Variants in PRPS1 observed in about 807,000 individuals in gnomAD.
PRPS1 encodes phosphoribosyl pyrophosphate synthetase 1.
In PRPS1, 1 loss-of-function variant was observed where a neutral mutation model predicts 16.9. The ratio of observed to expected loss-of-function variants is 0.06; its 90% confidence interval spans 0.02 to 0.28. The LOEUF (loss-of-function observed/expected upper bound fraction) is 0.28, where lower values mean the gene tolerates loss of function less well. Among genes scored for constraint, PRPS1 ranks in the 10% least tolerant of loss-of-function variants. PRPS1 has a pLI of 1.00. For missense variants in PRPS1, 47 were observed against 254.0 expected, an observed-to-expected ratio of 0.19 and a Z score of 5.54; for synonymous variants, 70 against 90.2, an observed-to-expected ratio of 0.78 and a Z score of 1.27.
At chrX:107,630,658 A>G (rs1925289051) in intron 1 of PRPS1, among the ~76,000 whole-genome samples, 1 of 106,641 alleles carries the variant, frequency 9.4e-6, no homozygotes, top group Admixed American at 1.0e-4. Context: ...CCCCCAGGTG[A>G]CTCTTGGTTG....
chrX:107,637,950 A>T (rs7887547), intron 1 of PRPS1, among the ~76,000 whole-genome samples: 39,532 of 98,147 alleles, frequency 0.4, 7,290 homozygotes, highest in African/African-American at 0.58. Flanking sequence ...ATATATATAT[A>T]TTTTTTTGAT....
At chrX:107,634,731 A>AT (rs1027234839) in intron 1 of PRPS1, among the ~76,000 whole-genome samples, 1 of 111,046 alleles carries the variant, frequency 9.0e-6, no homozygotes, top group African/African-American at 3.3e-5. Flanking sequence ...TTTTGTGGGT[A>AT]TTTTTTATAT....
At chrX:107,647,502 T>C (rs867273335) in intron 5 of PRPS1, 104 bp from the exon 6 acceptor site, 1 of 877,571 alleles carries the variant, frequency 1.1e-6, no homozygotes, top group Non-Finnish European at 1.6e-6. Flanking sequence ...TTTTTTCATA[T>C]GATATTTTGT....
chrX:107,640,212 C>T (rs752284346), intron 2 of PRPS1, among the ~76,000 whole-genome samples: 91 of 111,946 alleles, frequency 8.1e-4, no homozygotes, highest in Non-Finnish European at 1.4e-3. Flanking sequence ...CGTGGCGCTG[C>T]GCGCCTGTAG....
chrX:107,643,950 G>C (rs905687057), intron 4 of PRPS1, among the ~76,000 whole-genome samples: 3 of 111,678 alleles, frequency 2.7e-5, no homozygotes, highest in Non-Finnish European at 5.6e-5. Context: ...AGTCACAAGA[G>C]AAACAGGACA....
intron 6 of PRPS1, 113 bp from the exon 7 acceptor site, chrX:107,649,827 T>C: frequency 8.8e-7 from 1 of 1,140,518 alleles, no homozygotes; most frequent in Non-Finnish European, 1.2e-6. Context: ...AACAGCACAG[T>C]GTTGCAGTTT....
chrX:107,641,255 G>A, intron 3 of PRPS1: 1 of 705,710 alleles, frequency 1.4e-6, no homozygotes, highest in Non-Finnish European at 2.1e-6. Flanking sequence ...AGCTTTGTAA[G>A]CTTGGGAAGG....
intron 2 of PRPS1, among the ~76,000 whole-genome samples, 197 bp downstream of exon 2, chrX:107,639,675 TAC>T (rs1644094703): frequency 8.9e-6 from 1 of 112,242 alleles, no homozygotes; most frequent in African/African-American, 3.2e-5. Context: ...TGTATTTTAT[TAC>T]AGTGATACAT....
intron 4 of PRPS1, among the ~76,000 whole-genome samples, chrX:107,643,064 C>T (rs750342987): frequency 8.9e-6 from 1 of 112,289 alleles, no homozygotes; most frequent in Admixed American, 9.5e-5. Context: ...GTGGATTACT[C>T]GTTAGTAATG....
In PRPS1 at chrX:107,639,442, A is replaced by C. The variant is rs766786656; in HGVS notation, c.270A>C (p.Pro90=). The C allele has an allele frequency of 1.3e-5, 16 of 1,210,020 alleles. No individual in the cohort carries two copies. The African/African-American group carries it at 2.6e-4, about 20-fold the overall frequency. Residue 90 remains proline, a synonymous_variant, in exon 2 of 7, where the codon CCA becomes CCC. Coordinates refer to ENST00000372435, the MANE Select transcript of PRPS1 (RefSeq NM_002764.4). ...ASASRVTAVI[P]CFPYARQDKK... is the part of the protein sequence containing the mutation. ...CCAGCCGGGTTACTGCAGTCATCCC[A>C]TGCTTCCCTTATGCCCGGCAGGATA...
intron 3 of PRPS1, chrX:107,641,207 G>A: frequency 2.0e-6 from 2 of 1,017,447 alleles, no homozygotes; most frequent in Non-Finnish European, 2.7e-6. Context: ...AGTTTTATGG[G>A]AAGAGCACTA....
rs767699234 is a variant in PRPS1, at chrX:107,636,987, T to C, written c.123-2308T>C. On this transcript the variant is annotated intron_variant, in intron 1 of 6. Transcript: ENST00000372435. ...GATTTGAACTGAAGTTTTCTCTTGT[T>C]CAATAGGTATTGTCAGCCATTCTGA... Among the ~76,000 whole-genome samples, 8 of 112,739 alleles carry C rather than the reference T, an allele frequency of 7.1e-5. No individual in the cohort carries two copies. The South Asian group carries it at 2.9e-3, about 41-fold the overall frequency.
chrX:107,643,502 AT>A (rs959687120), intron 4 of PRPS1, among the ~76,000 whole-genome samples: 10 of 110,191 alleles, frequency 9.1e-5, no homozygotes, highest in African/African-American at 2.0e-4. Flanking sequence ...TTGCTACCTG[AT>A]TTTTTTTTCA....
rs1205270623 is a variant in PRPS1 at position 107,644,476 on chromosome X, T to C, written c.531-701T>C. On this transcript the variant is annotated intron_variant, in intron 4 of 6. Transcript: ENST00000372435. ...ATTCACGGGTCTTCCATGATGGGAA[T>C]TGGGACAGTCTGTGTACTCCTGGCA... Among the ~76,000 whole-genome samples, 8 of 112,034 alleles carry C rather than the reference T, an allele frequency of 7.1e-5. No homozygotes were observed. In the East Asian group the frequency reaches 2.0e-3, roughly 28 times the overall value.
Position 107,645,102 on chromosome X carries a change from C to T in PRPS1, c.531-75C>T, listed in dbSNP as rs1925661062. 8 of 1,149,646 alleles carry T rather than the reference C, an allele frequency of 7.0e-6. No individual in the cohort carries two copies. In the East Asian group the frequency reaches 2.1e-4, roughly 30 times the overall value. The allele number at this position is 1,149,646 out of a possible 1,213,427, so 94.7% of individuals were successfully genotyped here. ...GTGCTGGGATTACAGGCGTGAGCCA[C>T]CGCCCCCGGCCTCTTTAGTCCATTT... On this transcript the variant is annotated intron_variant, in intron 4 of 6. Coordinates refer to ENST00000372435, the MANE Select transcript of PRPS1 (RefSeq NM_002764.4).
Position 107,650,571 on chromosome X carries a change from G to T in PRPS1, c.*539G>T, listed in dbSNP as rs370453137. The T allele has an allele frequency of 7.3e-4, 204 of 277,907 alleles. No individual in the cohort carries two copies. The East Asian group carries it at 9.6e-3, about 13-fold the overall frequency. The allele number at this position is 277,907 out of a possible 1,213,427, so 22.9% of individuals were successfully genotyped here. A position where few individuals can be genotyped will look rare whatever the true frequency, so the allele number is the denominator to read the frequency against. ...GGGTGGGGGGTGGGGGGTGGTTGAG[G>T]GGGGAGGCAGCACAGTGCAGCAAAT... On this transcript the variant is annotated 3_prime_UTR_variant, in exon 7 of 7. Transcript: ENST00000372435.
chrX:107,631,976 A>G (rs1925316021), intron 1 of PRPS1, among the ~76,000 whole-genome samples: 3 of 112,762 alleles, frequency 2.7e-5, no homozygotes, highest in African/African-American at 9.7e-5. Flanking sequence ...GGTGTGAGCT[A>G]CCGTGCCCGG....
rs1452809693 is a variant in PRPS1 at position 107,650,541 on chromosome X, A to T, written c.*509A>T. On this transcript the variant is annotated 3_prime_UTR_variant, in exon 7 of 7. Coordinates refer to ENST00000372435, the MANE Select transcript of PRPS1 (RefSeq NM_002764.4). ...GGAGCAGGCAGCTCAGCTTGAGCAG[A>T]CATTGGGTGGGGGGTGGGGGGTGGT... 2.3e-5 allele frequency: 2 copies of T among 88,586 alleles called. No homozygotes were observed. Among genetic ancestry groups the T allele is most frequent in the Non-Finnish European group, 4.1e-5 (2 of 48,382 alleles). The allele number at this position is 88,586 out of a possible 1,213,427, so 7.3% of individuals were successfully genotyped here.
intron 6 of PRPS1, among the ~76,000 whole-genome samples, chrX:107,648,163 G>A (rs1340846157): frequency 9.0e-6 from 1 of 111,648 alleles, no homozygotes; most frequent in Non-Finnish European, 1.9e-5. Context: ...TAAACTGATT[G>A]TACACTTCTA....
Sources: allele counts gnomAD v4.1 joint callset (sites outside exome capture counted in the v4.1 genomes callset), GRCh38; gene constraint gnomAD v4.1.1; transcripts MANE v1.5; gene names NCBI Gene and HGNC (gene_info 2026-07-23, HGNC 2026-07-21).